The following SNAP25 variants were observed in gnomAD, a reference collection of about 807,000 sequenced individuals.
SNAP25 encodes the protein synaptosomal-associated protein 25.
In SNAP25, 3 loss-of-function variants were observed where a neutral mutation model predicts 28.7. The ratio of observed to expected loss-of-function variants is 0.10; its 90% confidence interval spans 0.05 to 0.27. The LOEUF (loss-of-function observed/expected upper bound fraction) is 0.27. Among genes scored for constraint, SNAP25 ranks in the 10% least tolerant of loss-of-function variants. The pLI is 1.00. For missense variants in SNAP25, 117 were observed against 278.7 expected (o/e 0.42, Z 4.13); for synonymous variants, 61 against 88.1 (o/e 0.69, Z 1.72).
intron 4 of SNAP25, among the ~76,000 whole-genome samples, chr20:10,289,612 G>A (rs928469497): frequency 6.6e-6 from 1 of 150,794 alleles, no homozygotes; most frequent in South Asian, 2.1e-4. Context: ...GCCACATAGG[G>A]CTATTTAAAT....
chr20:10,264,614 A>G (rs1022426038), intron 1 of SNAP25, among the ~76,000 whole-genome samples: 2 of 152,206 alleles, frequency 1.3e-5, no homozygotes, highest in African/African-American at 4.8e-5. Flanking sequence ...GGCCTCCTCA[A>G]TGCTGGGGAG....
chr20:10,301,270 G>T (rs2064229151), intron 7 of SNAP25, among the ~76,000 whole-genome samples: 1 of 152,168 alleles, frequency 6.6e-6, no homozygotes, highest in African/African-American at 2.4e-5. Flanking sequence ...CAGCTACAAG[G>T]TTTAATCAGA....
In SNAP25 at chr20:10,297,046, C is replaced by G. The variant is rs755378404; in HGVS notation, c.403C>G (p.Arg135Gly). ...EQMAISGGFI[R>G]RVTNDARENE... Reference sequence around the variant, plus strand: ...GATGGCCATCAGTGGCGGCTTCATCCGCAGGTGAGCCTCATGCAGCATACA... The same window carrying G: ...GATGGCCATCAGTGGCGGCTTCATCGGCAGGTGAGCCTCATGCAGCATACA... The change falls in exon 6 of 8, where the codon CGC becomes GGC. Residue 135 changes from arginine (R) to glycine (G), a missense_variant. By Grantham distance (125) the Arg-to-Gly change is moderately radical. This residue lies in a region of SNAP25 where 88 missense variants were observed against 206.9 expected (regional missense o/e 0.43). Transcript: ENST00000254976. 6.3e-7 allele frequency: 1 copy of G among 1,596,404 alleles called. No homozygotes were observed. The highest frequency in any genetic ancestry group is 1.3e-5 in the African/African-American group (1 of 74,644).
intron 7 of SNAP25, among the ~76,000 whole-genome samples, chr20:10,300,297 G>A (rs1033291601): frequency 1.3e-5 from 2 of 152,130 alleles, no homozygotes; most frequent in South Asian, 2.1e-4. Flanking sequence ...ACAGAACTCC[G>A]ACATAATTTA....
intron 1 of SNAP25, among the ~76,000 whole-genome samples, chr20:10,251,120 G>A (rs1033252011): frequency 6.6e-6 from 1 of 152,212 alleles, no homozygotes; most frequent in African/African-American, 2.4e-5. Flanking sequence ...AGATGTGTGA[G>A]ACATGATCCT....
intron 1 of SNAP25, chr20:10,219,681 G>T (rs2122573560): frequency 6.6e-6 from 1 of 152,406 alleles, no homozygotes; most frequent in Middle Eastern, 3.4e-3. Context: ...TTTCAGCACC[G>T]GGGACAGCGG....
chr20:10,299,734 C>T lies in SNAP25; in HGVS notation c.552+322C>T, dbSNP rs539973576. 3.9e-5 allele frequency among the ~76,000 whole-genome samples: 6 copies of T among 152,266 alleles called. No individual in the cohort carries two copies. In the South Asian group the frequency reaches 8.3e-4, roughly 21 times the overall value. ...GAAATTCACGGCCTATGGGAGGCTA[C>T]GAGCCTCCAGATGAATTTTCTATCA... On this transcript the variant is annotated intron_variant, in intron 7 of 7. Coordinates refer to ENST00000254976, the MANE Select transcript of SNAP25 (RefSeq NM_130811.4).
chr20:10,291,321 C>G (rs1336521069), intron 4 of SNAP25, among the ~76,000 whole-genome samples: 1 of 152,164 alleles, frequency 6.6e-6, no homozygotes, highest in Non-Finnish European at 1.5e-5. Flanking sequence ...GGTGATCTGC[C>G]TGCCTTGGCC....
At chr20:10,242,731 G>T (rs556616428) in intron 1 of SNAP25, among the ~76,000 whole-genome samples, 6 of 152,310 alleles carry the variant, frequency 3.9e-5, no homozygotes, top group Non-Finnish European at 7.4e-5. Context: ...TCAGCTCCCA[G>T]TATGCACTTA....
chr20:10,236,163 A>G (rs1600656327), intron 1 of SNAP25, among the ~76,000 whole-genome samples: 2 of 152,222 alleles, frequency 1.3e-5, no homozygotes, highest in East Asian at 3.8e-4. Flanking sequence ...TCCACAAACC[A>G]GGAAACTTAG....
At chr20:10,298,709 C>G (rs932889235) in intron 6 of SNAP25, among the ~76,000 whole-genome samples, 2 of 152,078 alleles carry the variant, frequency 1.3e-5, no homozygotes, top group Non-Finnish European at 2.9e-5. Context: ...TGGGAGCAAG[C>G]AGGGTTAAGG....
chr20:10,239,410 G>A (rs541822343), intron 1 of SNAP25, among the ~76,000 whole-genome samples: 3 of 152,376 alleles, frequency 2.0e-5, no homozygotes, highest in African/African-American at 7.2e-5. Flanking sequence ...TTTGGACAGA[G>A]TGGGCATTCA....
In SNAP25 at chr20:10,293,860, C is replaced by T. The variant is rs1364501946; in HGVS notation, c.281+582C>T. Among the ~76,000 whole-genome samples the T allele has an allele frequency of 6.6e-6, 1 of 152,212 alleles. No individual in the cohort carries two copies. Among genetic ancestry groups the T allele is most frequent in the Non-Finnish European group, 1.5e-5 (1 of 68,044 alleles). ...TTCAGCAAGAAGTGCTCAAGCCTTA[C>T]TCAAATTGGACCCATCCCTCCCAAA... On this transcript the variant is annotated intron_variant, in intron 5 of 7. Transcript: ENST00000254976. This position sits in a 1 kb window ranked among gnomAD's most constrained non-coding sequence, Gnocchi z 5.6.
At chr20:10,262,699 A>T (rs1483928995) in intron 1 of SNAP25, among the ~76,000 whole-genome samples, 4 of 152,218 alleles carry the variant, frequency 2.6e-5, no homozygotes, top group Non-Finnish European at 5.9e-5. Flanking sequence ...TGCTCGCAGG[A>T]GAAACCAGAA....
chr20:10,271,069 GCTTTT>G (rs1017191827), intron 1 of SNAP25, among the ~76,000 whole-genome samples: 65 of 152,306 alleles, frequency 4.3e-4, no homozygotes, highest in African/African-American at 1.5e-3. Flanking sequence ...GTTTTGAGTG[GCTTTT>G]CTTCCTAATT....
intron 3 of SNAP25, among the ~76,000 whole-genome samples, chr20:10,278,295 AT>A (rs1478215020): frequency 1.3e-5 from 2 of 152,210 alleles, no homozygotes; most frequent in Non-Finnish European, 1.5e-5. Context: ...GCTTTTTTAT[AT>A]TCCTGCCTGG....
chr20:10,236,047 A>G (rs554483531), intron 1 of SNAP25, among the ~76,000 whole-genome samples: 55 of 152,344 alleles, frequency 3.6e-4, no homozygotes, highest in African/African-American at 1.3e-3. Context: ...AAAATCAACC[A>G]TAGTTCCCAC....
intron 7 of SNAP25, among the ~76,000 whole-genome samples, chr20:10,304,760 T>A (rs1407644236): frequency 6.6e-6 from 1 of 152,204 alleles, no homozygotes; most frequent in Non-Finnish European, 1.5e-5. Context: ...TTTACAGTAT[T>A]GCACTAAACA....
intron 1 of SNAP25, among the ~76,000 whole-genome samples, chr20:10,232,511 A>G (rs909110642): frequency 1.3e-5 from 2 of 152,228 alleles, no homozygotes; most frequent in Non-Finnish European, 2.9e-5. Context: ...ACCTCTGAGA[A>G]CATTAAGGAG....
Sources: allele counts gnomAD v4.1 joint callset (sites outside exome capture counted in the v4.1 genomes callset), GRCh38; gene constraint gnomAD v4.1.1; regional missense constraint gnomAD v4.1.1; non-coding constraint Gnocchi (gnomAD v3.1); transcripts MANE v1.5; gene names NCBI Gene and HGNC (gene_info 2026-07-23, HGNC 2026-07-21).